The following ZNF804B variants were observed in gnomAD, a reference collection of about 807,000 sequenced individuals.
ZNF804B encodes the protein zinc finger protein 804B, also known as zinc finger 804B.
Under a neutral mutation model 101.4 loss-of-function variants are expected in ZNF804B, and 80 were observed. The ratio of observed to expected loss-of-function variants is 0.79; its 90% confidence interval spans 0.66 to 0.95. The LOEUF (loss-of-function observed/expected upper bound fraction) is 0.95, where lower values mean the gene tolerates loss of function less well. Ranked by LOEUF, ZNF804B falls within the 40% of genes least tolerant of loss-of-function variation. The probability of loss-of-function intolerance (pLI) is 0.00; values close to 1 mark genes in which losing one functional copy is unlikely to be tolerated. For missense variants in ZNF804B, 1,673 were observed against 1,561.9 expected, an observed-to-expected ratio of 1.07 and a Z score of -1.20; for synonymous variants, 622 against 558.8, an observed-to-expected ratio of 1.11 and a Z score of -1.59.
intron 1 of ZNF804B, among the ~76,000 whole-genome samples, chr7:89,007,508 AATTATATATAATATAATATATCTAT>A (rs1788385383): frequency 1.3e-4 from 1 of 7,808 alleles, no homozygotes; most frequent in East Asian, 1.8e-3. Context: ...TAATACATAT[AATTATATATAATATAATATATCTAT>A]TATAATTATA....
At chr7:89,033,098 A>G (rs1468340579) in intron 1 of ZNF804B, among the ~76,000 whole-genome samples, 1 of 150,514 alleles carries the variant, frequency 6.6e-6, no homozygotes, top group Non-Finnish European at 1.5e-5. Context: ...TTTGACCTTC[A>G]TCTTTCCATC....
chr7:88,855,237 C>G (rs1034880986), intron 1 of ZNF804B, among the ~76,000 whole-genome samples: 5 of 151,938 alleles, frequency 3.3e-5, no homozygotes, highest in African/African-American at 1.2e-4. Flanking sequence ...AAAAGTGTTC[C>G]TATTTCTCCA....
chr7:89,070,715 C>T (rs1374333926), intron 1 of ZNF804B, among the ~76,000 whole-genome samples: 1 of 152,022 alleles, frequency 6.6e-6, no homozygotes, highest in African/African-American at 2.4e-5. Flanking sequence ...ACCTCAGGCT[C>T]AATGGCAAAT....
At chr7:89,020,934 C>T (rs1319964217) in intron 1 of ZNF804B, among the ~76,000 whole-genome samples, 1 of 152,122 alleles carries the variant, frequency 6.6e-6, no homozygotes, top group Non-Finnish European at 1.5e-5. Context: ...ATTATTTTGA[C>T]ATTTTTTTCC....
intron 1 of ZNF804B, among the ~76,000 whole-genome samples, chr7:88,843,255 T>C (rs17164685): frequency 0.026 from 3,930 of 152,272 alleles, 131 homozygotes; most frequent in African/African-American, 0.073. Context: ...AGCTCATTTA[T>C]TCCTCATGTA....
intron 2 of ZNF804B, among the ~76,000 whole-genome samples, chr7:89,226,233 A>G (rs1335164548): frequency 6.6e-6 from 1 of 152,098 alleles, no homozygotes; most frequent in African/African-American, 2.4e-5. Flanking sequence ...CTTAAATTTA[A>G]ATTTTTCTTA....
At chr7:88,865,551 ACATACATAAATG>A (rs1261950371) in intron 1 of ZNF804B, among the ~76,000 whole-genome samples, 1 of 152,162 alleles carries the variant, frequency 6.6e-6, no homozygotes, top group Admixed American at 6.5e-5. Flanking sequence ...TTAAATAAAT[ACATACATAAATG>A]CATATATAAA....
chr7:89,220,173 ATG>A (rs1788982217), intron 2 of ZNF804B, among the ~76,000 whole-genome samples: 1 of 88,414 alleles, frequency 1.1e-5, no homozygotes, highest in African/African-American at 4.7e-5. Context: ...GCACATATAT[ATG>A]TGTGTATATA....
At chr7:89,197,407 T>G (rs1788572586) in intron 1 of ZNF804B, among the ~76,000 whole-genome samples, 1 of 151,938 alleles carries the variant, frequency 6.6e-6, no homozygotes. Flanking sequence ...AAAATAAAAG[T>G]GACACTACCA....
chr7:89,091,635 A>G (rs556158220), intron 1 of ZNF804B, among the ~76,000 whole-genome samples: 1 of 152,196 alleles, frequency 6.6e-6, no homozygotes, highest in Non-Finnish European at 1.5e-5. Context: ...AAGGATAGAC[A>G]ATACATCCCA....
At chr7:89,273,002 T>A (rs988567795) in intron 2 of ZNF804B, among the ~76,000 whole-genome samples, 1 of 152,144 alleles carries the variant, frequency 6.6e-6, no homozygotes, top group African/African-American at 2.4e-5. Flanking sequence ...GCTGCAGTTT[T>A]AAAAATAAAC....
chr7:89,288,742 A>G (rs1460427719), intron 2 of ZNF804B, among the ~76,000 whole-genome samples: 1 of 152,244 alleles, frequency 6.6e-6, no homozygotes, highest in Non-Finnish European at 1.5e-5. Flanking sequence ...GCATAAAAAT[A>G]CTAAAGGGAA....
chr7:89,248,132 C>G (rs1789479464), intron 2 of ZNF804B, among the ~76,000 whole-genome samples: 1 of 152,040 alleles, frequency 6.6e-6, no homozygotes, highest in Non-Finnish European at 1.5e-5. Context: ...CTATGAATTC[C>G]TGGCATTCCT....
intron 1 of ZNF804B, among the ~76,000 whole-genome samples, chr7:88,764,730 T>A (rs1657560382): frequency 6.6e-6 from 1 of 152,166 alleles, no homozygotes; most frequent in Admixed American, 6.5e-5. Flanking sequence ...TCATTATGCC[T>A]AATAAATACA....
At chr7:89,197,871 T>G (rs1389236834) in intron 1 of ZNF804B, among the ~76,000 whole-genome samples, 2 of 151,872 alleles carry the variant, frequency 1.3e-5, no homozygotes, top group Non-Finnish European at 2.9e-5. Flanking sequence ...ATACCTCATT[T>G]CTATGTGAAT....
At chr7:89,247,635 A>C (rs1472643150) in intron 2 of ZNF804B, among the ~76,000 whole-genome samples, 1 of 152,192 alleles carries the variant, frequency 6.6e-6, no homozygotes, top group Non-Finnish European at 1.5e-5. Context: ...TATAATTACA[A>C]AAATTAGAAG....
At chr7:89,187,100 GA>G (rs1239766616) in intron 1 of ZNF804B, among the ~76,000 whole-genome samples, 1 of 152,012 alleles carries the variant, frequency 6.6e-6, no homozygotes, top group African/African-American at 2.4e-5. Context: ...AGAGTCCTTT[GA>G]TTTTTTTAGA....
At chr7:88,858,159 C>T (rs1791598999) in intron 1 of ZNF804B, among the ~76,000 whole-genome samples, 1 of 152,086 alleles carries the variant, frequency 6.6e-6, no homozygotes. Flanking sequence ...TCTCTCTTGA[C>T]CTCTAATGTC....
chr7:88,969,818 G>C (rs1182458849), intron 1 of ZNF804B, among the ~76,000 whole-genome samples: 4 of 151,288 alleles, frequency 2.6e-5, no homozygotes, highest in Admixed American at 2.0e-4. Context: ...TCCAATTTTT[G>C]AAACAAGATA....
Sources: allele counts gnomAD v4.1 joint callset (sites outside exome capture counted in the v4.1 genomes callset), GRCh38; gene constraint gnomAD v4.1.1; transcripts MANE v1.5; gene names NCBI Gene and HGNC (gene_info 2026-07-23, HGNC 2026-07-21).